KIAA0753: variants seen among roughly 807,000 people sequenced by gnomAD.
The protein encoded by KIAA0753 is KIAA0753.
In KIAA0753, 114 loss-of-function variants were observed where a neutral mutation model predicts 116.9. The observed-to-expected ratio is 0.98, with a 90% confidence interval of 0.84 to 1.14. The LOEUF (loss-of-function observed/expected upper bound fraction) is 1.14. Among genes scored for constraint, KIAA0753 ranks in the 50% most tolerant of loss-of-function variants. The probability of loss-of-function intolerance (pLI) is 0.00; values close to 1 mark genes in which losing one functional copy is unlikely to be tolerated. For synonymous variants in KIAA0753, 405 were observed against 413.1 expected, an observed-to-expected ratio of 0.98 and a Z score of 0.24; for missense variants, 1,156 against 1,172.4, an observed-to-expected ratio of 0.99 and a Z score of 0.20.
intron 2 of KIAA0753, among the ~76,000 whole-genome samples, chr17:6,634,393 C>A (rs989694455): frequency 6.6e-6 from 1 of 152,096 alleles, no homozygotes; most frequent in Admixed American, 6.5e-5. Flanking sequence ...CGTGAGCCAC[C>A]GCATCTGGCC....
In KIAA0753 at chr17:6,628,694, C is replaced by T; in HGVS notation, c.141G>A (p.Leu47=). ...CATGTGGGCAAGAATATCGGATCGC[C>T]AAGTTGCTTGAATGTGTAGGAACAT... ...NRNVPTHSSN[L]AIRYSCPHAI... is the part of the protein sequence containing the mutation. Residue 47 remains leucine, a synonymous_variant, in exon 3 of 19, where the codon TTG becomes TTA. Transcript: ENST00000361413. 6.2e-7 allele frequency: 1 copy of T among 1,613,340 alleles called. No homozygotes were observed. Among genetic ancestry groups the T allele is most frequent in the Non-Finnish European group, 8.5e-7 (1 of 1,179,696 alleles).
intron 18 of KIAA0753, among the ~76,000 whole-genome samples, chr17:6,580,899 T>TACACAC (rs33914667): frequency 0.29 from 41,094 of 143,686 alleles, 5,753 homozygotes; most frequent in Non-Finnish European, 0.32. Flanking sequence ...TGCTCCTCTG[T>TACACAC]ACACACACAC....
rs1384412648 is a variant in KIAA0753 at position 6,606,858 on chromosome 17, G to C, written c.2009+15C>G. ...GGCAAACATCCACTATTCTTCCTAA[G>C]AAGCAAACACATACCTCAATTGTTG... On this transcript the variant is annotated intron_variant, in intron 12 of 18. Coordinates refer to ENST00000361413, the MANE Select transcript of KIAA0753 (RefSeq NM_014804.3). 6.2e-6 allele frequency: 10 copies of C among 1,607,752 alleles called. No individual in the cohort carries two copies. The highest frequency in any genetic ancestry group is 7.7e-6 in the Non-Finnish European group (9 of 1,174,382).
intron 7 of KIAA0753, among the ~76,000 whole-genome samples, chr17:6,615,178 A>C (rs1420568149): frequency 6.6e-6 from 1 of 152,024 alleles, no homozygotes; most frequent in Non-Finnish European, 1.5e-5. Flanking sequence ...CAGGTGATCC[A>C]CCCACCTCAG....
intron 13 of KIAA0753, 37 bp from the exon 14 acceptor site, chr17:6,599,357 G>T: frequency 7.5e-7 from 1 of 1,332,596 alleles, no homozygotes; most frequent in Non-Finnish European, 1.1e-6. Flanking sequence ...GGAGTATAAA[G>T]ACTTATAGCT....
chr17:6,599,372 T>C lies in KIAA0753; in HGVS notation c.2089-52A>G, dbSNP rs747255133. The C allele has an allele frequency of 1.9e-5, 23 of 1,180,252 alleles. No homozygotes were observed. The Admixed American group carries it at 4.1e-4, about 21-fold the overall frequency. 73.1% of individuals were successfully genotyped at this position (1,180,252 alleles called of 1,614,324 possible). ...GGAGTATAAAGACTTATAGCTCCTA[T>C]TAGTACAAATGAATTCTATTACCAG... is the stretch of plus-strand genomic sequence containing the variant. On this transcript the variant is annotated intron_variant, in intron 13 of 18. Transcript: ENST00000361413.
chr17:6,620,715 G>T, intron 7 of KIAA0753, 73 bp downstream of exon 7: 1 of 1,441,528 alleles, frequency 6.9e-7, no homozygotes, highest in South Asian at 1.1e-5. Context: ...TTTCCCCTCA[G>T]TGCAGTAACT....
chr17:6,580,964 TC>T (rs757529234), intron 18 of KIAA0753, among the ~76,000 whole-genome samples: 1 of 151,938 alleles, frequency 6.6e-6, no homozygotes, highest in East Asian at 1.9e-4. Context: ...GCTTCGTATC[TC>T]CCAAGTAGCC....
intron 9 of KIAA0753, among the ~76,000 whole-genome samples, chr17:6,608,802 G>T (rs1450177138): frequency 6.6e-6 from 1 of 152,112 alleles, no homozygotes; most frequent in South Asian, 2.1e-4. Context: ...AGGCAACTCC[G>T]TATCTTTATA....
intron 7 of KIAA0753, 75 bp downstream of exon 7, chr17:6,620,713 C>T: frequency 7.0e-7 from 1 of 1,423,686 alleles, no homozygotes; most frequent in African/African-American, 1.4e-5. Context: ...ACTTTCCCCT[C>T]AGTGCAGTAA....
At chr17:6,581,081 A>G (rs555694377) in intron 18 of KIAA0753, among the ~76,000 whole-genome samples, 1 of 152,314 alleles carries the variant, frequency 6.6e-6, no homozygotes, top group Admixed American at 6.5e-5. Flanking sequence ...ATCTATCTAC[A>G]GGCCTTATTC....
intron 12 of KIAA0753, among the ~76,000 whole-genome samples, chr17:6,605,344 C>G (rs927901950): frequency 6.6e-6 from 1 of 152,186 alleles, no homozygotes; most frequent in Non-Finnish European, 1.5e-5. Context: ...CAGCCCCTCT[C>G]CTGACAAGGC....
At chr17:6,621,538 A>G (rs1376434425) in intron 6 of KIAA0753, among the ~76,000 whole-genome samples, 1 of 152,230 alleles carries the variant, frequency 6.6e-6, no homozygotes, top group Admixed American at 6.5e-5. Context: ...CCACCTGGTC[A>G]GGACAGATTA....
Position 6,589,992 on chromosome 17 carries a change from T to G in KIAA0753, c.2573A>C (p.Glu858Ala). ...ERPCNGNSLD[E>A]SVGTEEGSEK... ...TGATCCTTCCTCTGTTCCCACACTT[T>G]CATCCAGGGAACTGAGAACAAATAA... Residue 858 changes from glutamate to alanine, a missense_variant, in exon 18 of 19, where the codon GAA (glutamate) becomes GCA (alanine). Physicochemically the swap from Glu to Ala is moderately radical, Grantham distance 107 (BLOSUM62 -1). Coordinates refer to ENST00000361413, the MANE Select transcript of KIAA0753 (RefSeq NM_014804.3). The G allele has an allele frequency of 1.3e-6, 2 of 1,561,182 alleles. No homozygotes were observed. The highest frequency in any genetic ancestry group is 1.7e-6 in the Non-Finnish European group (2 of 1,158,540).
chr17:6,597,070 C>T (rs761063337), intron 14 of KIAA0753, among the ~76,000 whole-genome samples: 1 of 152,130 alleles, frequency 6.6e-6, no homozygotes, highest in East Asian at 1.9e-4. Context: ...TTGACCTCTC[C>T]GGGCCTCAAT....
chr17:6,602,661 T>C (rs1012627568), intron 12 of KIAA0753, among the ~76,000 whole-genome samples: 1 of 152,180 alleles, frequency 6.6e-6, no homozygotes, highest in Non-Finnish European at 1.5e-5. Context: ...ACTTTCTAGG[T>C]TGAAGGACAA....
intron 16 of KIAA0753, among the ~76,000 whole-genome samples, chr17:6,594,327 AAT>A (rs1969308281): frequency 6.6e-6 from 1 of 150,500 alleles, no homozygotes; most frequent in South Asian, 2.1e-4. Flanking sequence ...TAAGCCACCA[AAT>A]ATGTGGCTTA....
At position 6,589,843 on chromosome 17, in the gene KIAA0753, G is replaced by A. The variant is rs752432358; in HGVS notation, c.2722C>T (p.Gln908Ter). ...SIGDYCSRFE[Q>*]YLRIISHEAV... ...TCATGAGATATGATCCGAAGGTACT[G>A]CTCAAAACGACTACAGTAGTCACCG... The change falls in exon 18 of 19, where the codon CAG becomes TAG. Residue 908 changes from glutamine to a stop codon, truncating the protein, a stop_gained. Coordinates refer to ENST00000361413, the MANE Select transcript of KIAA0753 (RefSeq NM_014804.3). LOFTEE classifies it high-confidence loss of function. 6.2e-7 allele frequency: 1 copy of A among 1,614,044 alleles called. No homozygotes were observed. Among genetic ancestry groups the A allele is most frequent in the Non-Finnish European group, 8.5e-7 (1 of 1,179,958 alleles).
chr17:6,589,334 G>A (rs932473885), intron 18 of KIAA0753, among the ~76,000 whole-genome samples: 5 of 152,284 alleles, frequency 3.3e-5, no homozygotes, highest in East Asian at 1.9e-4. Flanking sequence ...GAGGGCCCTC[G>A]ACAGACACTC....
Sources: gnomAD v4.1 joint callset for allele counts (sites outside exome capture counted in the v4.1 genomes callset) on GRCh38, gnomAD v4.1.1 for gene constraint, MANE v1.5 for transcripts, NCBI Gene and HGNC (gene_info 2026-07-23, HGNC 2026-07-21) for gene names.